Variants in ADARB2 observed in about 807,000 individuals in gnomAD.
ADARB2 encodes adenosine deaminase RNA specific B2 (inactive), also known as inactive double-stranded RNA-specific editase B2.
ADARB2 carries 25 observed loss-of-function variants against 62.2 expected under a neutral mutation model. The observed-to-expected ratio is 0.40, with a 90% CI of 0.29 to 0.56. The LOEUF (loss-of-function observed/expected upper bound fraction) is 0.56. Among genes scored for constraint, ADARB2 ranks in the 20% least tolerant of loss-of-function variants. The probability of loss-of-function intolerance (pLI) is 0.43; values close to 1 mark genes in which losing one functional copy is unlikely to be tolerated. For synonymous variants in ADARB2, 572 were observed against 500.8 expected (o/e 1.14, Z -1.90); for missense variants, 1,071 against 1,077.4 (o/e 0.99, Z 0.08).
chr10:1,716,579 G>C (rs1036226529), intron 1 of ADARB2, among the ~76,000 whole-genome samples: 1 of 152,150 alleles, frequency 6.6e-6, no homozygotes, highest in Non-Finnish European at 1.5e-5. Flanking sequence ...AGAAAACATG[G>C]CATGTGTCTC....
intron 6 of ADARB2, among the ~76,000 whole-genome samples, chr10:1,220,455 A>G (rs1589155858): frequency 6.6e-6 from 1 of 151,846 alleles, no homozygotes; most frequent in East Asian, 1.9e-4. Context: ...AATTGAACAT[A>G]AAATAGTTCG....
intron 1 of ADARB2, among the ~76,000 whole-genome samples, chr10:1,382,586 T>C (rs949906064): frequency 1.3e-5 from 2 of 152,270 alleles, no homozygotes; most frequent in African/African-American, 4.8e-5. Context: ...ATGTATATTC[T>C]GTTAGTTCAA....
rs779502374 is a variant in ADARB2 at position 1,255,128 on chromosome 10, C to T, written c.1193-12829G>A. ...GGCTCAGCCCCAGTGAGGGAGCAAG[C>T]GGGGCCAATGCTCTGAGCTCCTCAT... On this transcript the variant is annotated intron_variant, in intron 4 of 9. Coordinates refer to ENST00000381312, the MANE Select transcript of ADARB2 (RefSeq NM_018702.4). This position sits in a 1 kb window ranked among gnomAD's most constrained non-coding sequence, Gnocchi z 4.7. Among the ~76,000 whole-genome samples, 17 of 152,228 alleles carry T rather than the reference C, an allele frequency of 1.1e-4. No individual in the cohort carries two copies. Among genetic ancestry groups the T allele is most frequent in the African/African-American group, 3.1e-4 (13 of 41,462 alleles).
At chr10:1,294,605 G>A (rs774362704) in intron 3 of ADARB2, among the ~76,000 whole-genome samples, 4 of 152,208 alleles carry the variant, frequency 2.6e-5, no homozygotes, top group Admixed American at 6.5e-5. Flanking sequence ...TGACATGACT[G>A]TCTCGCTTCC....
At chr10:1,271,412 T>C (rs1831261620) in intron 3 of ADARB2, among the ~76,000 whole-genome samples, 1 of 152,146 alleles carries the variant, frequency 6.6e-6, no homozygotes, top group Non-Finnish European at 1.5e-5. Flanking sequence ...GGGGAGGGAA[T>C]TTTTATAGGG....
At chr10:1,268,542 A>G (rs992952846) in intron 4 of ADARB2, among the ~76,000 whole-genome samples, 1 of 152,244 alleles carries the variant, frequency 6.6e-6, no homozygotes, top group Non-Finnish European at 1.5e-5. Context: ...AAACATTGTG[A>G]CATATACAGC....
At chr10:1,258,101 CCCTTT>C (rs1475416589) in intron 4 of ADARB2, among the ~76,000 whole-genome samples, 1 of 152,178 alleles carries the variant, frequency 6.6e-6, no homozygotes, top group African/African-American at 2.4e-5. Context: ...CCTTCTCCTT[CCCTTT>C]CCTAGCTCTC....
intron 3 of ADARB2, among the ~76,000 whole-genome samples, chr10:1,293,201 AAAG>A (rs149794323): frequency 0.31 from 30,210 of 96,772 alleles, 5,514 homozygotes; most frequent in Non-Finnish European, 0.38. Flanking sequence ...GGAATAGAAA[AAAG>A]AGGGAGGGAG....
intron 1 of ADARB2, among the ~76,000 whole-genome samples, chr10:1,593,225 G>A (rs1442218127): frequency 1.5e-5 from 2 of 135,238 alleles, no homozygotes; most frequent in African/African-American, 5.9e-5. Flanking sequence ...ACCCTCCATA[G>A]GTCTCCTCTC....
intron 8 of ADARB2, 104 bp from the exon 9 acceptor site, chr10:1,185,143 G>A (rs1331461896): frequency 2.4e-5 from 33 of 1,377,506 alleles, no homozygotes; most frequent in Non-Finnish European, 3.2e-5. Flanking sequence ...GAGTGGGAAT[G>A]GTCCTCCCTT....
intron 1 of ADARB2, among the ~76,000 whole-genome samples, chr10:1,614,415 GATTTT>G (rs1833605700): frequency 6.6e-6 from 1 of 152,208 alleles, no homozygotes; most frequent in Non-Finnish European, 1.5e-5. Context: ...AAAAAGCAAT[GATTTT>G]ATTTATCTAA....
intron 1 of ADARB2, among the ~76,000 whole-genome samples, chr10:1,713,973 C>T (rs1834983474): frequency 6.6e-6 from 1 of 152,154 alleles, no homozygotes; most frequent in Non-Finnish European, 1.5e-5. Flanking sequence ...AGCTTAGTTC[C>T]TTGTTTTGCA....
At chr10:1,524,519 C>T (rs909496422) in intron 1 of ADARB2, among the ~76,000 whole-genome samples, 5 of 152,214 alleles carry the variant, frequency 3.3e-5, no homozygotes, top group African/African-American at 9.6e-5. Context: ...AGCACTTTTC[C>T]TGAGCCCAAG....
intron 3 of ADARB2, among the ~76,000 whole-genome samples, chr10:1,340,069 C>T (rs1257395025): frequency 3.3e-5 from 5 of 151,490 alleles, no homozygotes; most frequent in Non-Finnish European, 4.4e-5. Flanking sequence ...TGAATCAGCA[C>T]CCACCAGAGA....
At chr10:1,367,962 A>G (rs1209448134) in intron 2 of ADARB2, among the ~76,000 whole-genome samples, 1 of 152,250 alleles carries the variant, frequency 6.6e-6, no homozygotes, top group Non-Finnish European at 1.5e-5. Flanking sequence ...AATAATTGAT[A>G]ATAAGAGCAT....
rs376164414 is a variant in ADARB2, at chr10:1,713,177, C to G, written c.100+23874G>C. Among the ~76,000 whole-genome samples the G allele has an allele frequency of 5.9e-5, 9 of 152,260 alleles. No individual in the cohort carries two copies. The South Asian group carries it at 1.9e-3, about 32-fold the overall frequency. On this transcript the variant is annotated intron_variant, in intron 1 of 9. Transcript: ENST00000381312. ...TCACACCTGGGTGCCGGCGAGGGGA[C>G]CGCACATACCTGGGGAGGTGTGGGT...
chr10:1,657,135 T>C (rs1834182400), intron 1 of ADARB2, among the ~76,000 whole-genome samples: 1 of 152,156 alleles, frequency 6.6e-6, no homozygotes, highest in African/African-American at 2.4e-5. Flanking sequence ...CATGCAGCCT[T>C]GTGAAAAGTT....
At chr10:1,510,164 C>CTTTCTT in intron 1 of ADARB2, among the ~76,000 whole-genome samples, 1 of 89,796 alleles carries the variant, frequency 1.1e-5, no homozygotes, top group South Asian at 3.4e-4. Flanking sequence ...TTCTTTCTTT[C>CTTTCTT]TTTCTTTTTC....
intron 1 of ADARB2, among the ~76,000 whole-genome samples, chr10:1,461,752 C>T (rs1470679299): frequency 6.6e-6 from 1 of 152,024 alleles, no homozygotes; most frequent in African/African-American, 2.4e-5. Context: ...GAAATCCCAG[C>T]ACTTTGGGAG....
Sources: gnomAD v4.1 joint callset for allele counts (sites outside exome capture counted in the v4.1 genomes callset) on GRCh38, gnomAD v4.1.1 for gene constraint, Gnocchi (gnomAD v3.1) non-coding constraint, MANE v1.5 for transcripts, NCBI Gene and HGNC (gene_info 2026-07-23, HGNC 2026-07-21) for gene names.